The following FER variants were observed in gnomAD, a reference collection of about 807,000 sequenced individuals.
FER encodes FER tyrosine kinase, also known as tyrosine-protein kinase Fer.
A neutral mutation model predicts 111.0 loss-of-function variants in FER; 63 were observed. The ratio of observed to expected loss-of-function variants is 0.57; its 90% CI spans 0.46 to 0.70. FER has a LOEUF of 0.70. Ranked by LOEUF, FER falls within the 30% of genes least tolerant of loss-of-function variation. The pLI is 0.00. For missense variants in FER, 914 were observed against 954.0 expected, an observed-to-expected ratio of 0.96 and a Z score of 0.55; for synonymous variants, 327 against 313.9, an observed-to-expected ratio of 1.04 and a Z score of -0.44.
At chr5:109,144,313 A>T (rs1753830376) in intron 17 of FER, among the ~76,000 whole-genome samples, 1 of 152,106 alleles carries the variant, frequency 6.6e-6, no homozygotes, top group Non-Finnish European at 1.5e-5. Flanking sequence ...GAGATATTTA[A>T]CAAGTACCAA....
At chr5:108,822,771 T>TATTTTATGTG (rs1554072167) in intron 3 of FER, among the ~76,000 whole-genome samples, 1 of 145,464 alleles carries the variant, frequency 6.9e-6, no homozygotes, top group Non-Finnish European at 1.5e-5. Context: ...TTATTTATTT[T>TATTTTATGTG]ATTTTATGTT....
At chr5:109,052,241 A>G in intron 16 of FER, 2 of 1,606,038 alleles carry the variant, frequency 1.2e-6, no homozygotes, top group Non-Finnish European at 8.5e-7. Context: ...CGCACATGAG[A>G]GATTGGGAAA....
chr5:108,867,210 C>T (rs1334307574), intron 5 of FER, among the ~76,000 whole-genome samples: 1 of 151,840 alleles, frequency 6.6e-6, no homozygotes, highest in Non-Finnish European at 1.5e-5. Flanking sequence ...TAGCGTTCAG[C>T]TAATAATATT....
intron 13 of FER, among the ~76,000 whole-genome samples, chr5:109,033,912 A>G (rs1047376012): frequency 6.6e-6 from 1 of 152,188 alleles, no homozygotes; most frequent in Non-Finnish European, 1.5e-5. Context: ...GTTTTGATAT[A>G]TGTATATATT....
intron 2 of FER, among the ~76,000 whole-genome samples, chr5:108,783,062 G>T (rs1754275922): frequency 6.6e-6 from 1 of 152,052 alleles, no homozygotes; most frequent in African/African-American, 2.4e-5. Flanking sequence ...TTTCAGTCTG[G>T]CTCTCTTTCT....
intron 17 of FER, among the ~76,000 whole-genome samples, chr5:109,113,535 C>T (rs926621540): frequency 3.3e-5 from 5 of 152,100 alleles, no homozygotes; most frequent in East Asian, 1.9e-4. Context: ...AATTTACTTA[C>T]ATTTTTCATA....
chr5:108,969,552 T>C (rs182666332), intron 13 of FER, among the ~76,000 whole-genome samples: 2 of 152,078 alleles, frequency 1.3e-5, no homozygotes, highest in Non-Finnish European at 2.9e-5. Context: ...GGGAGGTGGT[T>C]GAAATTGAAA....
intron 5 of FER, among the ~76,000 whole-genome samples, chr5:108,845,432 T>C (rs1761936828): frequency 6.6e-6 from 1 of 152,016 alleles, no homozygotes; most frequent in Non-Finnish European, 1.5e-5. Context: ...ATATGCCTGC[T>C]CGGCCTCCCA....
intron 8 of FER, among the ~76,000 whole-genome samples, chr5:108,873,715 C>T (rs1430129447): frequency 6.6e-6 from 1 of 152,166 alleles, no homozygotes; most frequent in African/African-American, 2.4e-5. Flanking sequence ...TCAGCCATCT[C>T]TAAACCAGTA....
intron 8 of FER, among the ~76,000 whole-genome samples, chr5:108,879,701 A>AATCTATATATAT (rs1554084620): frequency 1.0e-5 from 1 of 99,128 alleles, no homozygotes; most frequent in African/African-American, 4.8e-5. Flanking sequence ...ATTAAAAAAA[A>AATCTATATATAT]ATATATATAT....
intron 5 of FER, among the ~76,000 whole-genome samples, chr5:108,853,236 A>T (rs1762699423): frequency 6.6e-6 from 1 of 152,184 alleles, no homozygotes; most frequent in African/African-American, 2.4e-5. Context: ...TTCAAATAAG[A>T]ACTATATCAA....
intron 3 of FER, among the ~76,000 whole-genome samples, chr5:108,806,255 TC>T (rs1268053188): frequency 2.0e-5 from 3 of 152,186 alleles, no homozygotes; most frequent in African/African-American, 7.2e-5. Context: ...TTTGGGAACC[TC>T]CTCCTAGATT....
intron 2 of FER, among the ~76,000 whole-genome samples, chr5:108,790,235 CCACACA>C (rs66805209): frequency 0.021 from 3,057 of 145,128 alleles, 45 homozygotes; most frequent in South Asian, 0.042. Flanking sequence ...TGCATACACA[CCACACA>C]CACACACACA....
At chr5:109,091,556 G>T (rs531365550) in intron 16 of FER, among the ~76,000 whole-genome samples, 1 of 152,240 alleles carries the variant, frequency 6.6e-6, no homozygotes, top group South Asian at 2.1e-4. Context: ...GCAGTCAGGG[G>T]CTCAGTGCTA....
At chr5:108,933,976 T>G (rs138870050) in intron 10 of FER, among the ~76,000 whole-genome samples, 2 of 152,326 alleles carry the variant, frequency 1.3e-5, no homozygotes, top group East Asian at 3.9e-4. Flanking sequence ...TGAAGTTCTT[T>G]ATCAGCTTAA....
In FER at chr5:108,840,008, TA is replaced by T. The variant is rs543559015; in HGVS notation, c.481+4210del. Among the ~76,000 whole-genome samples the T allele has an allele frequency of 4.6e-3, 696 of 151,700 alleles. 8 individuals carry two copies. Among genetic ancestry groups the T allele is most frequent in the African/African-American group, 0.016 (660 of 41,408 alleles). On this transcript the variant is annotated intron_variant, in intron 5 of 19. Coordinates refer to ENST00000281092, the MANE Select transcript of FER (RefSeq NM_005246.4). The stretch of plus-strand genomic sequence containing the variant: ...CTCTCATTTTATTTTTTCCAACCTT[TA>T]AAAAAAAATTAAAACAAACGTAGAA...
At chr5:109,071,858 T>C (rs1775804335) in intron 16 of FER, among the ~76,000 whole-genome samples, 1 of 151,870 alleles carries the variant, frequency 6.6e-6, no homozygotes, top group African/African-American at 2.4e-5. Context: ...AAAAAAGCCA[T>C]TAACTGTGAA....
At chr5:108,749,564 C>G (rs1463687396) in intron 1 of FER, among the ~76,000 whole-genome samples, 1 of 152,234 alleles carries the variant, frequency 6.6e-6, no homozygotes. Flanking sequence ...CCCGCAGTCT[C>G]CCTTGACCCG....
intron 5 of FER, among the ~76,000 whole-genome samples, chr5:108,848,782 A>G (rs1319100125): frequency 1.3e-5 from 2 of 151,904 alleles, no homozygotes; most frequent in South Asian, 2.1e-4. Context: ...TTATTTATCT[A>G]TGTCTCTATT....
Sources: gnomAD v4.1 joint callset for allele counts (sites outside exome capture counted in the v4.1 genomes callset) on GRCh38, gnomAD v4.1.1 for gene constraint, MANE v1.5 for transcripts, NCBI Gene and HGNC (gene_info 2026-07-23, HGNC 2026-07-21) for gene names.